The following DAPK3 variants were observed in gnomAD, a reference collection of about 807,000 sequenced individuals.
DAPK3 encodes the protein death associated protein kinase 3.
Under a neutral mutation model 30.6 loss-of-function variants are expected in DAPK3, and 24 were observed. The ratio of observed to expected loss-of-function variants is 0.78; its 90% CI spans 0.57 to 1.10. The LOEUF (loss-of-function observed/expected upper bound fraction) is 1.10, where lower values mean the gene tolerates loss of function less well. Ranked by LOEUF, DAPK3 falls within the 50% of genes least tolerant of loss-of-function variation. DAPK3 has a pLI of 0.00. For synonymous variants in DAPK3, 341 were observed against 284.0 expected, an observed-to-expected ratio of 1.20 and a Z score of -2.02; for missense variants, 629 against 657.3, an observed-to-expected ratio of 0.96 and a Z score of 0.47.
chr19:3,959,182 G>A lies in DAPK3; in HGVS notation c.1284C>T (p.Ala428=), dbSNP rs1353800904. ...NRYEALAKQV[A]SEMRFVQDLV... Reference sequence around the variant, plus strand: ...GGTCCTGCACGAAGCGCATCTCGGAGGCTACTTGCTTGGCCAGCGCCTCGT... The same window carrying A: ...GGTCCTGCACGAAGCGCATCTCGGAAGCTACTTGCTTGGCCAGCGCCTCGT... Residue 428 remains alanine (A), a synonymous_variant, in exon 9 of 9, where the codon GCC becomes GCT. Transcript: ENST00000545797. 1.3e-6 allele frequency: 2 copies of A among 1,598,046 alleles called. No individual in the cohort carries two copies. The highest frequency in any genetic ancestry group is 1.3e-5 in the African/African-American group (1 of 74,808).
intron 3 of DAPK3, 39 bp from the exon 4 acceptor site, chr19:3,964,412 T>TGGGCC: frequency 6.5e-7 from 1 of 1,539,990 alleles, no homozygotes; most frequent in Non-Finnish European, 8.9e-7. Context: ...AGCACGGGCC[T>TGGGCC]CCCCCACCCT....
At chr19:3,963,564 C>T (rs903380962) in intron 6 of DAPK3, 79 bp downstream of exon 6, 13 of 879,070 alleles carry the variant, frequency 1.5e-5, no homozygotes, top group Non-Finnish European at 2.1e-5. Context: ...GGACCCCTGG[C>T]GTCCACATGA....
rs1024182923 is a variant in DAPK3 at position 3,959,812 on chromosome 19, G to A, written c.829-175C>T. The A allele has an allele frequency of 5.1e-5, 39 of 761,934 alleles. No homozygotes were observed. The African/African-American group carries it at 5.7e-4, about 11-fold the overall frequency. The allele number at this position is 761,934 out of a possible 1,614,324, so 47.2% of individuals were successfully genotyped here. ...AGAGTGCTCTCTCGAGAAAAACGCT[G>A]CGGCCCTGGCCCCAGGAGTCAGCCC... On this transcript the variant is annotated intron_variant, in intron 8 of 8. Coordinates refer to ENST00000545797, the MANE Select transcript of DAPK3 (RefSeq NM_001348.3).
In DAPK3 at chr19:3,958,453, T is replaced by G. The variant is rs576408362; in HGVS notation, c.*648A>C. 4.8e-5 allele frequency: 22 copies of G among 456,214 alleles called. No individual in the cohort carries two copies. Among genetic ancestry groups the G allele is most frequent in the Non-Finnish European group, 8.8e-5 (20 of 226,988 alleles). 28.3% of individuals were successfully genotyped at this position (456,214 alleles called of 1,614,324 possible). A position where few individuals can be genotyped will look rare whatever the true frequency, so the allele number is the denominator to read the frequency against. On this transcript the variant is annotated 3_prime_UTR_variant, in exon 9 of 9. Coordinates refer to ENST00000545797, the MANE Select transcript of DAPK3 (RefSeq NM_001348.3). ...AGGCCTGAGGCACACAACACCCGCGTATCTGGAAGCCAGTATTTTATTTCT... is the reference window on the plus strand; with the variant it reads ...AGGCCTGAGGCACACAACACCCGCGGATCTGGAAGCCAGTATTTTATTTCT...
At chr19:3,969,524 C>T (rs1599184321) in intron 2 of DAPK3, 150 bp downstream of exon 2, 2 of 523,540 alleles carry the variant, frequency 3.8e-6, no homozygotes, top group South Asian at 2.8e-5. Flanking sequence ...TCTGACTCCA[C>T]GGCCCAAATT....
rs1383887226 is a variant in DAPK3 at position 3,964,336 on chromosome 19, T to C, written c.461A>G (p.Asn154Ser). 7 of 1,613,218 alleles carry C rather than the reference T, an allele frequency of 4.3e-6. No homozygotes were observed. Among genetic ancestry groups the C allele is most frequent in the African/African-American group, 1.3e-5 (1 of 74,884 alleles). ...GAAGTCGATGAGCTTGATTCGTGGGTTGGGCACGTTCTTGTCCAGCAGCAT... is the reference window on the plus strand; with the variant it reads ...GAAGTCGATGAGCTTGATTCGTGGGCTGGGCACGTTCTTGTCCAGCAGCAT... ...NIMLLDKNVP[N>S]PRIKLIDFGI... is the part of the protein sequence containing the mutation. The change falls in exon 4 of 9, where the codon AAC (asparagine) becomes AGC (serine). Residue 154 changes from asparagine to serine, a missense_variant. This residue lies in a region of DAPK3 where 306 missense variants were observed against 378.5 expected (regional missense o/e 0.81). Coordinates refer to ENST00000545797, the MANE Select transcript of DAPK3 (RefSeq NM_001348.3).
rs372017076 is a variant in DAPK3, at chr19:3,960,135, C to T, written c.783-31G>A. The T allele has an allele frequency of 8.5e-6, 11 of 1,287,370 alleles. No homozygotes were observed. The African/African-American group carries it at 1.3e-4, about 15-fold the overall frequency. The allele number at this position is 1,287,370 out of a possible 1,614,324, so 79.7% of individuals were successfully genotyped here. A position where few individuals can be genotyped will look rare whatever the true frequency, so the allele number is the denominator to read the frequency against. ...AGACCCCCGCTCTGGTTAGGTACAC[C>T]TGCACCATCTGTCCCGTCCTCCCGT... On this transcript the variant is annotated intron_variant, in intron 7 of 8. Transcript: ENST00000545797.
At chr19:3,963,751 C>T in intron 5 of DAPK3, 82 bp from the exon 6 acceptor site, 1 of 1,302,912 alleles carries the variant, frequency 7.7e-7, no homozygotes, top group South Asian at 1.3e-5. Flanking sequence ...CGCCCCTGTT[C>T]TAGGGCAACG....
intron 5 of DAPK3, 24 bp downstream of exon 5, chr19:3,963,847 G>A (rs536422109): frequency 6.3e-5 from 96 of 1,520,704 alleles, no homozygotes; most frequent in South Asian, 5.7e-4. Context: ...AGGGAGGCCC[G>A]GTGGGAGCAG....
chr19:3,958,834 G>A lies in DAPK3; in HGVS notation c.*267C>T, dbSNP rs1599174705. 1.7e-6 allele frequency: 1 copy of A among 575,394 alleles called. No homozygotes were observed. The allele number at this position is 575,394 out of a possible 1,614,324, so 35.6% of individuals were successfully genotyped here. ...CAACCCTCACGGTGCCACAGGCCACGCTGCCTGGAGGGTCCCAGGGTCACC... is the reference window on the plus strand; with the variant it reads ...CAACCCTCACGGTGCCACAGGCCACACTGCCTGGAGGGTCCCAGGGTCACC... On this transcript the variant is annotated 3_prime_UTR_variant, in exon 9 of 9. Transcript: ENST00000545797.
chr19:3,966,512 G>A (rs1234938118), intron 2 of DAPK3, among the ~76,000 whole-genome samples: 1 of 152,206 alleles, frequency 6.6e-6, no homozygotes, highest in Admixed American at 6.5e-5. Context: ...CTCGCGGCAG[G>A]GGCCACCACG....
At chr19:3,962,690 T>A (rs971550123) in intron 6 of DAPK3, among the ~76,000 whole-genome samples, 1 of 144,146 alleles carries the variant, frequency 6.9e-6, no homozygotes, top group Non-Finnish European at 1.5e-5. Flanking sequence ...GGCATGGGAA[T>A]CACTTGAACC....
Position 3,971,080 on chromosome 19 carries a change from A to C in DAPK3, c.-254T>G, listed in dbSNP as rs2039629498. 1 of 153,968 alleles carries C rather than the reference A, an allele frequency of 6.5e-6. No homozygotes were observed. The highest frequency in any genetic ancestry group is 2.4e-5 in the African/African-American group (1 of 41,276). 9.5% of individuals were successfully genotyped at this position (153,968 alleles called of 1,614,324 possible). On this transcript the variant is annotated 5_prime_UTR_variant, in exon 1 of 9. Transcript: ENST00000545797. ...CGCGCTGGCCACCGCCGCCGCCTCC[A>C]GAAGCCCCGCGCCCCTGCCGCCGCG...
intron 2 of DAPK3, 32 bp downstream of exon 2, chr19:3,969,642 C>T (rs189444544): frequency 1.3e-6 from 2 of 1,483,044 alleles, no homozygotes; most frequent in East Asian, 4.5e-5. Context: ...TCTCCTATCC[C>T]TGGAGCCCAG....
At chr19:3,963,588 G>C in intron 6 of DAPK3, 55 bp downstream of exon 6, 1 of 1,213,274 alleles carries the variant, frequency 8.2e-7, no homozygotes, top group Non-Finnish European at 1.1e-6. Flanking sequence ...ACACGGAGCC[G>C]GGGACCCATG....
At chr19:3,962,428 G>C (rs1208432052) in intron 6 of DAPK3, among the ~76,000 whole-genome samples, 1 of 152,178 alleles carries the variant, frequency 6.6e-6, no homozygotes, top group African/African-American at 2.4e-5. Flanking sequence ...AATGAGCTAT[G>C]CCCATTCAAT....
chr19:3,959,514 T>C lies in DAPK3; in HGVS notation c.952A>G (p.Ser318Gly). The C allele has an allele frequency of 6.4e-7, 1 of 1,567,896 alleles. No homozygotes were observed. The highest frequency in any genetic ancestry group is 8.6e-7 in the Non-Finnish European group (1 of 1,164,872). ...KSHSSLPPNNSYADFERFSKV... is the reference protein window; with the variant it reads ...KSHSSLPPNNGYADFERFSKV... Reference sequence around the variant, plus strand: ...GAGAAGCGCTCGAAGTCGGCGTAGCTGTTGTTGGGCGGCAAGCTGGAGTGC... The same window carrying C: ...GAGAAGCGCTCGAAGTCGGCGTAGCCGTTGTTGGGCGGCAAGCTGGAGTGC... The change falls in exon 9 of 9, where the codon AGC becomes GGC. Residue 318 changes from serine to glycine, a missense_variant. By Grantham distance (56) the Ser-to-Gly change is moderately conservative (BLOSUM62 0). Around this residue, in one of 2 missense-constraint regions of DAPK3, gnomAD observed 323 missense variants for 278.8 expected, o/e 1.16. Coordinates refer to ENST00000545797, the MANE Select transcript of DAPK3 (RefSeq NM_001348.3).
chr19:3,970,043 A>C, intron 1 of DAPK3: 1 of 398,930 alleles, frequency 2.5e-6, no homozygotes. Context: ...TAACAGCCCC[A>C]CTGGGCCACC....
chr19:3,960,259 G>A (rs1286803152), intron 7 of DAPK3, among the ~76,000 whole-genome samples, 155 bp from the exon 8 acceptor site: 1 of 152,108 alleles, frequency 6.6e-6, no homozygotes, highest in Non-Finnish European at 1.5e-5. Context: ...CAGGGAGCGT[G>A]GGGTTTTCTG....
Sources: gnomAD v4.1 joint callset for allele counts (sites outside exome capture counted in the v4.1 genomes callset) on GRCh38, gnomAD v4.1.1 for gene constraint, gnomAD v4.1.1 regional missense constraint, MANE v1.5 for transcripts, NCBI Gene and HGNC (gene_info 2026-07-23, HGNC 2026-07-21) for gene names.